CORO7: variants seen among roughly 807,000 people sequenced by gnomAD.
The protein encoded by CORO7 is coronin 7, also known as coronin-7.
In CORO7, 107 loss-of-function variants were observed where a neutral mutation model predicts 126.6. The observed-to-expected ratio is 0.85, with a 90% CI of 0.72 to 0.99. CORO7 has a LOEUF of 0.99. Among genes scored for constraint, CORO7 ranks in the 50% least tolerant of loss-of-function variants. The probability of loss-of-function intolerance (pLI) is 0.00; values close to 1 mark genes in which losing one functional copy is unlikely to be tolerated. For synonymous variants in CORO7, 603 were observed against 536.8 expected, an observed-to-expected ratio of 1.12 and a Z score of -1.70; for missense variants, 1,314 against 1,255.8, an observed-to-expected ratio of 1.05 and a Z score of -0.70.
chr16:4,389,284 G>T (rs1013610702), intron 7 of CORO7, among the ~76,000 whole-genome samples: 2 of 152,194 alleles, frequency 1.3e-5, no homozygotes, highest in Non-Finnish European at 2.9e-5. Context: ...CCCCTGGGAG[G>T]AGAGGGAAGC....
chr16:4,373,296 G>T (rs764636986), intron 9 of CORO7, among the ~76,000 whole-genome samples: 10 of 152,078 alleles, frequency 6.6e-5, no homozygotes, highest in Non-Finnish European at 1.2e-4. Flanking sequence ...CCTCCCCTGG[G>T]CCTGGGGAGG....
intron 7 of CORO7, among the ~76,000 whole-genome samples, chr16:4,392,424 C>T (rs1284645481): frequency 2.6e-5 from 4 of 152,208 alleles, no homozygotes; most frequent in Admixed American, 2.6e-4. Context: ...AAGGGTCATA[C>T]ATGCAGTATA....
chr16:4,394,520 G>A (rs573571436), intron 7 of CORO7, among the ~76,000 whole-genome samples: 3 of 150,130 alleles, frequency 2.0e-5, no homozygotes, highest in African/African-American at 7.3e-5. Context: ...ATCCCCCAGC[G>A]CCCCTCGCGC....
chr16:4,405,493 T>C lies in CORO7; in HGVS notation c.562A>G (p.Lys188Glu). The C allele has an allele frequency of 6.2e-7, 1 of 1,612,126 alleles. No individual in the cohort carries two copies. Among genetic ancestry groups the C allele is most frequent in the Non-Finnish European group, 8.5e-7 (1 of 1,179,754 alleles). ...GGCATCCCCACCTGCCTGCTCACCT[T>C]GCACGCCGTGCCCACCAGGGCTCCA... ...RDGALVGTAC[K>E]DKQLRIFDPR... The change falls in exon 6 of 28, where the codon AAG becomes GAG. Residue 188 changes from lysine to glutamate, a missense_variant and splice_region_variant. Lys to Glu is a moderately conservative substitution (Grantham distance 56). Coordinates refer to ENST00000251166, the MANE Select transcript of CORO7 (RefSeq NM_024535.5).
chr16:4,389,281 G>C (rs1188284939), intron 7 of CORO7, among the ~76,000 whole-genome samples: 2 of 152,192 alleles, frequency 1.3e-5, no homozygotes, highest in Admixed American at 6.5e-5. Context: ...CGGCCCCTGG[G>C]AGGAGAGGGA....
intron 23 of CORO7, chr16:4,358,956 T>C: frequency 2.7e-6 from 1 of 365,032 alleles, no homozygotes; most frequent in East Asian, 5.2e-5. Context: ...TTTGTTTGTT[T>C]TGTAGAGATG....
chr16:4,384,123 C>T (rs1019948961), intron 9 of CORO7, among the ~76,000 whole-genome samples: 6 of 152,314 alleles, frequency 3.9e-5, no homozygotes, highest in Non-Finnish European at 5.9e-5. Context: ...AAGGCAGGGA[C>T]CCCATGGGTG....
intron 9 of CORO7, among the ~76,000 whole-genome samples, chr16:4,387,397 C>T (rs1355345008): frequency 6.6e-6 from 1 of 152,154 alleles, no homozygotes; most frequent in African/African-American, 2.4e-5. Context: ...ATGAGGTGCA[C>T]CTGGAGCCCC....
At position 4,368,419 on chromosome 16, in the gene CORO7, A is replaced by C. The variant is rs531956509; in HGVS notation, c.786-2874T>G. ...GTCCAGCTACTCGGCTGGCTGAGGC[A>C]GGAGGGTCACTTGAGCCCAGGAGTT... On this transcript the variant is annotated intron_variant, in intron 9 of 27. Coordinates refer to ENST00000251166, the MANE Select transcript of CORO7 (RefSeq NM_024535.5). 2.0e-5 allele frequency among the ~76,000 whole-genome samples: 3 copies of C among 152,184 alleles called. No homozygotes were observed. In the East Asian group the frequency reaches 5.8e-4, roughly 30 times the overall value.
intron 6 of CORO7, among the ~76,000 whole-genome samples, chr16:4,396,956 CAGTGAGCTG>C (rs1323109814): frequency 7.0e-6 from 1 of 142,204 alleles, no homozygotes; most frequent in Non-Finnish European, 1.5e-5. Flanking sequence ...ACAGTGGTTG[CAGTGAGCTG>C]AGATTGCACC....
chr16:4,385,763 T>C (rs1476506158), intron 9 of CORO7, among the ~76,000 whole-genome samples: 1 of 152,174 alleles, frequency 6.6e-6, no homozygotes, highest in African/African-American at 2.4e-5. Context: ...AGGGCATAGG[T>C]GGGACCACAG....
chr16:4,400,213 A>G (rs996609873), intron 6 of CORO7, among the ~76,000 whole-genome samples: 1 of 152,240 alleles, frequency 6.6e-6, no homozygotes, highest in African/African-American at 2.4e-5. Flanking sequence ...ATAATAATGT[A>G]TCAGGCTGGG....
chr16:4,360,000 C>T (rs2054110620), intron 21 of CORO7, among the ~76,000 whole-genome samples: 1 of 139,064 alleles, frequency 7.2e-6, no homozygotes, highest in Non-Finnish European at 1.6e-5. Context: ...TCCATCTCCC[C>T]CTTACCCCCA....
chr16:4,405,650 T>C, intron 5 of CORO7, 83 bp from the exon 6 acceptor site: 2 of 1,508,762 alleles, frequency 1.3e-6, no homozygotes, highest in Non-Finnish European at 1.8e-6. Flanking sequence ...TGGGGGGAAC[T>C]CCCAGAGCAA....
intron 9 of CORO7, among the ~76,000 whole-genome samples, chr16:4,384,565 A>G (rs925268061): frequency 6.6e-6 from 1 of 152,206 alleles, no homozygotes; most frequent in African/African-American, 2.4e-5. Context: ...CTGGTGGGAC[A>G]GAGTCAGCCC....
At chr16:4,373,439 G>T (rs1485325648) in intron 9 of CORO7, among the ~76,000 whole-genome samples, 1 of 152,130 alleles carries the variant, frequency 6.6e-6, no homozygotes, top group African/African-American at 2.4e-5. Flanking sequence ...GGGGCTGGGG[G>T]CTGGGGTCCC....
In CORO7 at chr16:4,411,497, T is replaced by A. The variant is rs558217182; in HGVS notation, c.232+859A>T. On this transcript the variant is annotated intron_variant, in intron 3 of 27. Transcript: ENST00000251166. ...TGGGAGGATTGCTTGAGCCCAGAAG[T>A]TTGAGACCAGCCCGGGCAATATAGC... Among the ~76,000 whole-genome samples, 14 of 152,220 alleles carry A rather than the reference T, an allele frequency of 9.2e-5. No homozygotes were observed. In the South Asian group the frequency reaches 2.9e-3, roughly 32 times the overall value.
chr16:4,390,212 G>A (rs764422620), intron 7 of CORO7, among the ~76,000 whole-genome samples: 10 of 152,140 alleles, frequency 6.6e-5, no homozygotes, highest in Non-Finnish European at 1.3e-4. Flanking sequence ...GAGAGCCCCA[G>A]CCTGGCCACC....
chr16:4,412,252 C>A, intron 3 of CORO7, 104 bp downstream of exon 3: 2 of 1,282,146 alleles, frequency 1.6e-6, no homozygotes, highest in Non-Finnish European at 2.2e-6. Flanking sequence ...ACAGGAGGGA[C>A]CTGGCAAGCC....
Sources: gnomAD v4.1 joint callset for allele counts (sites outside exome capture counted in the v4.1 genomes callset) on GRCh38, gnomAD v4.1.1 for gene constraint, MANE v1.5 for transcripts, NCBI Gene and HGNC (gene_info 2026-07-23, HGNC 2026-07-21) for gene names.